Variants in FILIP1 observed in about 807,000 individuals in gnomAD.
FILIP1 encodes filamin A interacting protein 1, also known as filamin-A-interacting protein 1.
In FILIP1, 61 loss-of-function variants were observed where a neutral mutation model predicts 102.1. The observed-to-expected ratio is 0.60, with a 90% CI of 0.49 to 0.74. The LOEUF (loss-of-function observed/expected upper bound fraction) is 0.74, where lower values mean the gene tolerates loss of function less well. FILIP1 is among the 30% of genes least tolerant of loss of function. FILIP1 has a pLI of 0.00. For missense variants in FILIP1, 1,314 were observed against 1,441.2 expected (o/e 0.91, Z 1.43); for synonymous variants, 491 against 526.9 (o/e 0.93, Z 0.93).
intron 3 of FILIP1, among the ~76,000 whole-genome samples, chr6:75,356,818 T>C (rs1314085033): frequency 1.3e-5 from 2 of 152,206 alleles, no homozygotes; most frequent in Non-Finnish European, 2.9e-5. Context: ...TTTCCCATTG[T>C]AATAGCTCCA....
rs1773271972 is a variant in FILIP1, at chr6:75,313,159, A to G, written c.2673T>C (p.Asn891=). The G allele has an allele frequency of 1.9e-6, 3 of 1,613,894 alleles. No homozygotes were observed. The highest frequency in any genetic ancestry group is 1.3e-5 in the African/African-American group (1 of 74,838). ...SITQEKGPRT[N]SSPGHPGEVV... ...CCTCTCCTGGGTGCCCTGGACTGGAATTTGTTCGGGGCCCTTTCTCCTGAG... is the reference window on the plus strand; with the variant it reads ...CCTCTCCTGGGTGCCCTGGACTGGAGTTTGTTCGGGGCCCTTTCTCCTGAG... Residue 891 remains asparagine (N), a synonymous_variant, in exon 5 of 6, where the codon AAT becomes AAC. Coordinates refer to ENST00000237172, the MANE Select transcript of FILIP1 (RefSeq NM_015687.5). The surrounding 1 kb of genome is among the most constrained non-coding windows in gnomAD (Gnocchi z 4.2).
chr6:75,313,441 A>G lies in FILIP1; in HGVS notation c.2391T>C (p.Asp797=), dbSNP rs368729229. The change falls in exon 5 of 6, where the codon GAT becomes GAC. Residue 797 remains aspartate, a synonymous_variant. Transcript: ENST00000237172. This position sits in a 1 kb window ranked among gnomAD's most constrained non-coding sequence, Gnocchi z 4.2. ...GGACTCCAGTTGACGTCACAGGAAC[A>G]TCCACCATTCTTCTTCCATTCACAC... ...RPSVNGRRMV[D]VPVTSTGVQT... The G allele has an allele frequency of 4.3e-6, 7 of 1,614,100 alleles. No homozygotes were observed. The highest frequency in any genetic ancestry group is 5.9e-6 in the Non-Finnish European group (7 of 1,180,050).
At chr6:75,296,475 T>TTTTTTTTTTTTATTA (rs565379089) in intron 6 of FILIP1, 3 of 140,396 alleles carry the variant, frequency 2.1e-5, no homozygotes, top group African/African-American at 5.3e-5. Flanking sequence ...ACTCTATATG[T>TTTTTTTTTTTTATTA]TTATTATTAT....
chr6:75,351,816 A>G (rs1438077546), intron 4 of FILIP1, among the ~76,000 whole-genome samples: 1 of 152,214 alleles, frequency 6.6e-6, no homozygotes, highest in African/African-American at 2.4e-5. Flanking sequence ...TATGTAATTT[A>G]TACTCTCCTT....
chr6:75,302,260 ACCTGGACTT>A lies in FILIP1; in HGVS notation c.3494-6319_3494-6311del, dbSNP rs141348437. On this transcript the variant is annotated intron_variant, in intron 6 of 6. Transcript: ENST00000393004. ...ACTTTCACCACCCAAAAATGACAGT[ACCTGGACTT>A]CCTGTAATTCTGCCATCTCATTACC... Among the ~76,000 whole-genome samples, 1,132 of 152,236 alleles carry A rather than the reference ACCTGGACTT, an allele frequency of 7.4e-3. 31 individuals are homozygous for A. In the East Asian group the frequency reaches 0.11, roughly 15 times the overall value.
intron 1 of FILIP1, among the ~76,000 whole-genome samples, chr6:75,429,069 A>G (rs906338573): frequency 6.7e-6 from 1 of 149,756 alleles, no homozygotes. Context: ...TGTTTGCACT[A>G]TGTTTTTTTG....
At chr6:75,293,820 A>C (rs986700131) in exon 7 of FILIP1, 14 of 152,234 alleles carry the variant, frequency 9.2e-5, no homozygotes, top group Non-Finnish European at 2.1e-4. Flanking sequence ...AAACATTGGC[A>C]AATAGGATAC....
chr6:75,434,698 GC>G (rs1428083177), intron 1 of FILIP1, among the ~76,000 whole-genome samples: 1 of 152,112 alleles, frequency 6.6e-6, no homozygotes, highest in Non-Finnish European at 1.5e-5. Flanking sequence ...CTGCCTGATT[GC>G]CCTGGCCAGA....
chr6:75,328,420 G>GT (rs1773946986), intron 4 of FILIP1, among the ~76,000 whole-genome samples: 1 of 152,122 alleles, frequency 6.6e-6, no homozygotes, highest in Non-Finnish European at 1.5e-5. Context: ...TTATTGATGG[G>GT]TACATGGGTG....
intron 1 of FILIP1, among the ~76,000 whole-genome samples, chr6:75,435,614 C>G (rs921068822): frequency 6.6e-6 from 1 of 152,164 alleles, no homozygotes; most frequent in Non-Finnish European, 1.5e-5. Context: ...CCTCAAAGAC[C>G]CTTATTCAGC....
intron 2 of FILIP1, among the ~76,000 whole-genome samples, chr6:75,376,167 T>G (rs1321877546): frequency 1.3e-5 from 2 of 152,216 alleles, no homozygotes; most frequent in African/African-American, 4.8e-5. Context: ...ATTTGCTTTT[T>G]GTTTTTCTTT....
chr6:75,419,395 G>A (rs1406268618), intron 1 of FILIP1, among the ~76,000 whole-genome samples: 1 of 151,910 alleles, frequency 6.6e-6, no homozygotes, highest in East Asian at 1.9e-4. Context: ...GTCTGTTCCT[G>A]GTTTTATTTT....
intron 2 of FILIP1, among the ~76,000 whole-genome samples, chr6:75,405,871 C>A (rs1352822999): frequency 1.3e-5 from 2 of 151,906 alleles, no homozygotes; most frequent in African/African-American, 4.8e-5. Context: ...AGCAGATAAT[C>A]GAAAAAGCTT....
intron 1 of FILIP1, among the ~76,000 whole-genome samples, chr6:75,471,159 CAAAAAAAA>C (rs67671264): frequency 1.7e-4 from 12 of 72,294 alleles, no homozygotes; most frequent in Non-Finnish European, 2.6e-4. Flanking sequence ...GACCTTGTCT[CAAAAAAAA>C]AAAAAAAAAA....
chr6:75,311,069 C>T (rs1773166053), intron 5 of FILIP1, among the ~76,000 whole-genome samples: 1 of 152,140 alleles, frequency 6.6e-6, no homozygotes, highest in Non-Finnish European at 1.5e-5. Context: ...AGTCTATTAG[C>T]TTAAGTTAAC....
At chr6:75,452,259 T>G (rs1363707786) in intron 1 of FILIP1, among the ~76,000 whole-genome samples, 2 of 151,990 alleles carry the variant, frequency 1.3e-5, no homozygotes, top group Admixed American at 6.6e-5. Flanking sequence ...CCCTCCCCCT[T>G]GCCCCCACCC....
intron 4 of FILIP1, among the ~76,000 whole-genome samples, chr6:75,338,864 C>CT (rs910092696): frequency 4.6e-5 from 7 of 152,138 alleles, no homozygotes. Flanking sequence ...AAAAACTCCC[C>CT]TCAGTTGTTG....
At chr6:75,361,288 T>C (rs1371163400) in intron 3 of FILIP1, among the ~76,000 whole-genome samples, 1 of 152,150 alleles carries the variant, frequency 6.6e-6, no homozygotes, top group African/African-American at 2.4e-5. Context: ...GTTCAGCCCA[T>C]AGAACCCAGT....
At chr6:75,442,378 G>A (rs1264049947) in intron 1 of FILIP1, among the ~76,000 whole-genome samples, 1 of 152,162 alleles carries the variant, frequency 6.6e-6, no homozygotes, top group African/African-American at 2.4e-5. Flanking sequence ...CTGCACTCTC[G>A]GCACTTTGGG....
Sources: allele counts gnomAD v4.1 joint callset (sites outside exome capture counted in the v4.1 genomes callset), GRCh38; gene constraint gnomAD v4.1.1; non-coding constraint Gnocchi (gnomAD v3.1); transcripts MANE v1.5; gene names NCBI Gene and HGNC (gene_info 2026-07-23, HGNC 2026-07-21).